Variants in NEK11 observed in about 807,000 individuals in gnomAD.
NEK11 encodes serine/threonine-protein kinase Nek11.
NEK11 carries 72 observed loss-of-function variants against 80.7 expected under a neutral mutation model. That is an observed-to-expected ratio of 0.89 (90% CI 0.74 to 1.08). NEK11 has a LOEUF of 1.08. NEK11 is among the 50% of genes least tolerant of loss of function. NEK11 has a pLI of 0.00. For missense variants in NEK11, 764 were observed against 763.6 expected (o/e 1.00, Z -0.01); for synonymous variants, 251 against 260.7 (o/e 0.96, Z 0.36).
chr3:131,108,479 C>G (rs1054482213), intron 4 of NEK11, among the ~76,000 whole-genome samples: 51 of 152,232 alleles, frequency 3.4e-4, no homozygotes, highest in African/African-American at 1.2e-3. Context: ...TTTAGAGGAA[C>G]ATTTCTCAAA....
intron 14 of NEK11, among the ~76,000 whole-genome samples, chr3:131,190,602 A>G (rs989797351): frequency 3.3e-5 from 5 of 152,152 alleles, no homozygotes; most frequent in African/African-American, 4.8e-5. Flanking sequence ...CGCTGGCACA[A>G]CACTTGCTGT....
At chr3:131,049,858 A>G (rs376473990) in intron 3 of NEK11, among the ~76,000 whole-genome samples, 4 of 152,146 alleles carry the variant, frequency 2.6e-5, no homozygotes, top group African/African-American at 7.2e-5. Context: ...TTTTAACTAC[A>G]TGTTATAAAT....
At chr3:131,033,135 A>G (rs544409204) in intron 3 of NEK11, among the ~76,000 whole-genome samples, 13 of 152,216 alleles carry the variant, frequency 8.5e-5, no homozygotes, top group East Asian at 5.8e-4. Flanking sequence ...TAAGATATCA[A>G]TTCATCAGTG....
intron 10 of NEK11, among the ~76,000 whole-genome samples, chr3:131,160,909 C>G (rs1008238305): frequency 1.3e-5 from 2 of 152,076 alleles, no homozygotes; most frequent in African/African-American, 4.8e-5. Flanking sequence ...TACAGGAGCA[C>G]CCAGATTCAT....
intron 14 of NEK11, among the ~76,000 whole-genome samples, chr3:131,183,003 G>C (rs143636479): frequency 2.6e-5 from 4 of 152,282 alleles, no homozygotes; most frequent in African/African-American, 9.6e-5. Flanking sequence ...TTGCTTATGA[G>C]CATATGGTGT....
At chr3:131,285,691 A>G (rs1341897702) in intron 17 of NEK11, among the ~76,000 whole-genome samples, 1 of 152,186 alleles carries the variant, frequency 6.6e-6, no homozygotes, top group Non-Finnish European at 1.5e-5. Flanking sequence ...CTGCTTCTTT[A>G]CTAATAACTA....
intron 17 of NEK11, among the ~76,000 whole-genome samples, chr3:131,280,193 G>A (rs1484428876): frequency 6.6e-6 from 1 of 152,206 alleles, no homozygotes. Context: ...TTTAATGACA[G>A]GGATGGCATC....
intron 14 of NEK11, among the ~76,000 whole-genome samples, chr3:131,211,293 AC>A: frequency 6.6e-6 from 1 of 152,032 alleles, no homozygotes; most frequent in South Asian, 2.1e-4. Context: ...TTGAATATTG[AC>A]CCCCACTCTC....
intron 7 of NEK11, among the ~76,000 whole-genome samples, chr3:131,137,982 T>A (rs2149652806): frequency 6.6e-6 from 1 of 152,338 alleles, no homozygotes; most frequent in Middle Eastern, 3.4e-3. Flanking sequence ...ATCCTTCTCC[T>A]CCAGCATTTA....
intron 17 of NEK11, among the ~76,000 whole-genome samples, chr3:131,304,734 G>A (rs1249565867): frequency 6.6e-6 from 1 of 152,158 alleles, no homozygotes; most frequent in South Asian, 2.1e-4. Context: ...TTAGGAACCT[G>A]CTGCACTAGG....
In NEK11 at chr3:131,054,037, C is replaced by T. The variant is rs1560184587; in HGVS notation, c.170+24159C>T. Among the ~76,000 whole-genome samples, 3 of 152,174 alleles carry T rather than the reference C, an allele frequency of 2.0e-5. 1 individual carries two copies. Among genetic ancestry groups the T allele is most frequent in the Admixed American group, 1.3e-4 (2 of 15,268 alleles). On this transcript the variant is annotated intron_variant, in intron 3 of 17. Transcript: ENST00000383366. Reference sequence around the variant, plus strand: ...TGTCTTAGGGACAGAGGGTGTAACCCGGTTTAGAGCTCTTATTAAGAGTCA... The same window carrying T: ...TGTCTTAGGGACAGAGGGTGTAACCTGGTTTAGAGCTCTTATTAAGAGTCA...
At chr3:131,096,732 T>TAA (rs2149216065) in intron 4 of NEK11, among the ~76,000 whole-genome samples, 1 of 147,758 alleles carries the variant, frequency 6.8e-6, no homozygotes, top group African/African-American at 2.6e-5. Flanking sequence ...TAATTTAATT[T>TAA]TATTTTATTA....
intron 5 of NEK11, among the ~76,000 whole-genome samples, chr3:131,120,512 T>C (rs2082181458): frequency 6.6e-6 from 1 of 152,194 alleles, no homozygotes; most frequent in African/African-American, 2.4e-5. Context: ...TTCCCGAATT[T>C]GAATATTGGC....
At chr3:131,179,602 T>G (rs2093235164) in intron 14 of NEK11, among the ~76,000 whole-genome samples, 1 of 152,192 alleles carries the variant, frequency 6.6e-6, no homozygotes, top group African/African-American at 2.4e-5. Context: ...AAATAGAAAT[T>G]TATCTGTTTG....
At chr3:131,106,773 A>G (rs141532132) in intron 4 of NEK11, among the ~76,000 whole-genome samples, 5 of 152,336 alleles carry the variant, frequency 3.3e-5, no homozygotes, top group African/African-American at 9.6e-5. Flanking sequence ...TACCATAAAG[A>G]AAAAGAAATA....
At chr3:131,310,324 A>C (rs2096769024) in intron 17 of NEK11, among the ~76,000 whole-genome samples, 1 of 152,202 alleles carries the variant, frequency 6.6e-6, no homozygotes, top group Non-Finnish European at 1.5e-5. Flanking sequence ...TTCTAGGGAC[A>C]GTTTTCAGGT....
chr3:131,335,492 C>A (rs1243206626), intron 17 of NEK11, among the ~76,000 whole-genome samples: 4 of 152,216 alleles, frequency 2.6e-5, no homozygotes, highest in Non-Finnish European at 5.9e-5. Context: ...CTATCTATGA[C>A]AAACTCACAG....
At chr3:131,238,769 A>G (rs568747651) in intron 15 of NEK11, among the ~76,000 whole-genome samples, 2 of 152,234 alleles carry the variant, frequency 1.3e-5, no homozygotes, top group African/African-American at 2.4e-5. Context: ...GAGCAAAAAG[A>G]TCATAGTGAG....
chr3:131,343,187 A>G (rs1462090441), intron 17 of NEK11, among the ~76,000 whole-genome samples: 14 of 152,178 alleles, frequency 9.2e-5, no homozygotes. Context: ...AGGAAAAGAT[A>G]TAGCAGGTCA....
Sources: allele counts gnomAD v4.1 joint callset (sites outside exome capture counted in the v4.1 genomes callset), GRCh38; gene constraint gnomAD v4.1.1; transcripts MANE v1.5; gene names NCBI Gene and HGNC (gene_info 2026-07-23, HGNC 2026-07-21).